The following SPAG16 variants were observed in gnomAD, a reference collection of about 807,000 sequenced individuals.
SPAG16 encodes the protein sperm associated antigen 16.
SPAG16 carries 86 observed loss-of-function variants against 80.4 expected under a neutral mutation model. The ratio of observed to expected loss-of-function variants is 1.07; its 90% confidence interval spans 0.90 to 1.28. The LOEUF (loss-of-function observed/expected upper bound fraction) is 1.28, where lower values mean the gene tolerates loss of function less well. Among genes scored for constraint, SPAG16 ranks in the 50% most tolerant of loss-of-function variants. The pLI is 0.00. For synonymous variants in SPAG16, 294 were observed against 265.9 expected (o/e 1.11, Z -1.03); for missense variants, 870 against 765.3 (o/e 1.14, Z -1.61).
intron 1 of SPAG16, among the ~76,000 whole-genome samples, chr2:213,293,604 G>T (rs1396110263): frequency 1.3e-5 from 2 of 152,204 alleles, no homozygotes; most frequent in Non-Finnish European, 2.9e-5. Context: ...TACATTGTCA[G>T]TGAGCTGCCA....
At chr2:213,852,902 T>A (rs1448391476) in intron 10 of SPAG16, among the ~76,000 whole-genome samples, 1 of 152,220 alleles carries the variant, frequency 6.6e-6, no homozygotes, top group Non-Finnish European at 1.5e-5. Context: ...AAGTACTTTA[T>A]ATAAATGCTA....
At chr2:213,313,905 T>G (rs1356384091) in intron 4 of SPAG16, among the ~76,000 whole-genome samples, 1 of 151,870 alleles carries the variant, frequency 6.6e-6, no homozygotes, top group Non-Finnish European at 1.5e-5. Flanking sequence ...TAAATCTTTA[T>G]GAAAACATGG....
chr2:214,375,495 TGA>T (rs1700071354), intron 15 of SPAG16, among the ~76,000 whole-genome samples: 1 of 152,120 alleles, frequency 6.6e-6, no homozygotes, highest in African/African-American at 2.4e-5. Flanking sequence ...TCAACCAGTA[TGA>T]GAGTGCACGC....
intron 13 of SPAG16, among the ~76,000 whole-genome samples, chr2:214,057,225 T>C (rs1293058734): frequency 6.6e-6 from 1 of 151,716 alleles, no homozygotes; most frequent in Non-Finnish European, 1.5e-5. Flanking sequence ...AGAGGAATTA[T>C]TAGCTATGGC....
At chr2:213,907,660 T>C (rs2077485858) in intron 11 of SPAG16, among the ~76,000 whole-genome samples, 1 of 152,034 alleles carries the variant, frequency 6.6e-6, no homozygotes, top group South Asian at 2.1e-4. Context: ...AGAAAATGTA[T>C]ATATACACAA....
At chr2:214,323,550 C>G (rs1336927632) in intron 15 of SPAG16, among the ~76,000 whole-genome samples, 1 of 152,058 alleles carries the variant, frequency 6.6e-6, no homozygotes, top group African/African-American at 2.4e-5. Context: ...TGTATTAAAT[C>G]AAGGATTTTT....
At chr2:213,419,711 A>T (rs1428385082) in intron 9 of SPAG16, among the ~76,000 whole-genome samples, 2 of 152,174 alleles carry the variant, frequency 1.3e-5, no homozygotes, top group Non-Finnish European at 2.9e-5. Flanking sequence ...CATGTGTGCT[A>T]CTTATTGATA....
At position 213,364,515 on chromosome 2, in the gene SPAG16, T is replaced by C. The variant is rs80233723; in HGVS notation, c.832+370T>C. The C allele has an allele frequency of 8.4e-3, 1,308 of 155,754 alleles. 26 individuals carry two copies. Among genetic ancestry groups the C allele is most frequent in the African/African-American group, 0.03 (1,244 of 41,682 alleles). 9.6% of individuals were successfully genotyped at this position (155,754 alleles called of 1,614,324 possible). On this transcript the variant is annotated intron_variant, in intron 8 of 15. Transcript: ENST00000331683. ...CAGAAGGAAAATTTATAAGGTGAGC[T>C]CTGCCATCACCATGGCTTTGGGTCT... is the stretch of plus-strand genomic sequence containing the variant.
chr2:213,285,509 A>G (rs1379158369), intron 1 of SPAG16, among the ~76,000 whole-genome samples: 2 of 152,174 alleles, frequency 1.3e-5, no homozygotes, highest in Non-Finnish European at 2.9e-5. Flanking sequence ...AAACTCCAAA[A>G]TCTGCCAAAT....
intron 15 of SPAG16, among the ~76,000 whole-genome samples, chr2:214,314,788 C>T (rs1206042754): frequency 6.6e-6 from 1 of 151,742 alleles, no homozygotes; most frequent in Non-Finnish European, 1.5e-5. Flanking sequence ...CTTGAACATC[C>T]AGAGAAATAG....
intron 10 of SPAG16, among the ~76,000 whole-genome samples, chr2:213,550,384 A>G (rs2076745107): frequency 1.3e-5 from 2 of 152,076 alleles, no homozygotes; most frequent in African/African-American, 4.8e-5. Context: ...TTTAATGTAT[A>G]TTTAAATATT....
rs183840233 is a variant in SPAG16, at chr2:213,439,600, G to C, written c.943-50363G>C. ...AGGTGTGGTCTGTTTTCTTCTTCCT[G>C]CTTATGGTAAAAATGAAAGAGGAGT... On this transcript the variant is annotated intron_variant, in intron 9 of 15. Coordinates refer to ENST00000331683, the MANE Select transcript of SPAG16 (RefSeq NM_024532.5). Among the ~76,000 whole-genome samples the C allele has an allele frequency of 2.5e-3, 379 of 152,272 alleles. 2 individuals carry two copies. The highest frequency in any genetic ancestry group is 8.8e-3 in the African/African-American group (365 of 41,554).
chr2:213,763,459 T>C (rs1262937236), intron 10 of SPAG16, among the ~76,000 whole-genome samples: 1 of 152,162 alleles, frequency 6.6e-6, no homozygotes, highest in Non-Finnish European at 1.5e-5. Context: ...ATCTCACTTA[T>C]ATTAGGTATT....
intron 12 of SPAG16, among the ~76,000 whole-genome samples, chr2:213,987,968 G>A (rs1446559005): frequency 6.6e-6 from 1 of 150,952 alleles, no homozygotes; most frequent in Non-Finnish European, 1.5e-5. Flanking sequence ...TTGAGTGGAA[G>A]GAGATAATGT....
intron 15 of SPAG16, among the ~76,000 whole-genome samples, chr2:214,168,852 G>A (rs2056768445): frequency 6.7e-6 from 1 of 149,528 alleles, no homozygotes; most frequent in African/African-American, 2.6e-5. Context: ...AACTTCCAAA[G>A]GATGTGGTAC....
chr2:213,363,872 T>C (rs1559456968), intron 7 of SPAG16, among the ~76,000 whole-genome samples: 1 of 152,102 alleles, frequency 6.6e-6, no homozygotes, highest in African/African-American at 2.4e-5. Context: ...AATAAGTAAT[T>C]AATAATTAGC....
chr2:214,092,255 G>A lies in SPAG16; in HGVS notation c.1528-15941G>A, dbSNP rs138905081. On this transcript the variant is annotated intron_variant, in intron 13 of 15. Coordinates refer to ENST00000331683, the MANE Select transcript of SPAG16 (RefSeq NM_024532.5). ...GGTTAAGGAGCACATCATTTTAAAT[G>A]TTAATAGATGTTACCAAATTGCTTT... Among the ~76,000 whole-genome samples, 555 of 152,148 alleles carry A rather than the reference G, an allele frequency of 3.6e-3. 4 individuals carry two copies. The highest frequency in any genetic ancestry group is 0.014 in the Middle Eastern group (4 of 294).
chr2:214,247,276 T>C (rs1439340816), intron 15 of SPAG16, among the ~76,000 whole-genome samples: 1 of 152,154 alleles, frequency 6.6e-6, no homozygotes. Context: ...TCTTTTAGGA[T>C]ATTCTTTTAT....
intron 15 of SPAG16, among the ~76,000 whole-genome samples, chr2:214,159,895 C>T (rs1023358516): frequency 6.6e-6 from 1 of 151,960 alleles, no homozygotes; most frequent in Admixed American, 6.6e-5. Flanking sequence ...AAAATGTTAT[C>T]ATTCCCTCTC....
Sources: allele counts gnomAD v4.1 joint callset (sites outside exome capture counted in the v4.1 genomes callset), GRCh38; gene constraint gnomAD v4.1.1; transcripts MANE v1.5; gene names NCBI Gene and HGNC (gene_info 2026-07-23, HGNC 2026-07-21).